The following ANKRD28 variants were observed in gnomAD, a reference collection of about 807,000 sequenced individuals.
ANKRD28 encodes the protein ankyrin repeat domain 28, also known as serine/threonine-protein phosphatase 6 regulatory ankyrin repeat subunit A.
Under a neutral mutation model 126.5 loss-of-function variants are expected in ANKRD28, and 44 were observed. That is an observed-to-expected ratio of 0.35 (90% CI 0.27 to 0.45). The LOEUF is 0.45. ANKRD28 is among the 20% of genes least tolerant of loss of function. ANKRD28 has a pLI of 1.00. For missense variants in ANKRD28, 1,110 were observed against 1,316.6 expected (o/e 0.84, Z 2.43); for synonymous variants, 442 against 468.5 (o/e 0.94, Z 0.73).
chr3:15,709,992 C>T (rs1259144996), intron 12 of ANKRD28, among the ~76,000 whole-genome samples: 1 of 150,786 alleles, frequency 6.6e-6, no homozygotes, highest in Non-Finnish European at 1.5e-5. Flanking sequence ...ATCACATTTG[C>T]AAAAGAGATT....
At chr3:15,819,048 TGGGA>T (rs2060889311) in intron 1 of ANKRD28, among the ~76,000 whole-genome samples, 1 of 152,036 alleles carries the variant, frequency 6.6e-6, no homozygotes, top group African/African-American at 2.4e-5. Context: ...GAGGACAAGG[TGGGA>T]GGACTGCTTG....
chr3:15,710,414 GT>G (rs1372497046), intron 12 of ANKRD28, among the ~76,000 whole-genome samples: 20 of 152,166 alleles, frequency 1.3e-4, no homozygotes. Flanking sequence ...TTACGTGGAA[GT>G]TAGGTTTTAA....
Position 15,670,555 on chromosome 3 carries a change from G to A in ANKRD28, c.2967C>T (p.Gly989=). 6.2e-7 allele frequency: 1 copy of A among 1,606,984 alleles called. No homozygotes were observed. Among genetic ancestry groups the A allele is most frequent in the East Asian group, 2.2e-5 (1 of 44,744 alleles). ...GAGCACAGGCCAAAGCTGGGGTATA[G>A]CCTAGAATTAAAGATAAAATTTAAA... ...GASVLAVDEN[G]YTPALACAPN... Residue 989 remains glycine, a splice_region_variant and synonymous_variant, in exon 28 of 28, where the codon GGC becomes GGT. Transcript: ENST00000683139.
intron 3 of ANKRD28, among the ~76,000 whole-genome samples, chr3:15,756,739 A>G (rs9821921): frequency 0.72 from 109,951 of 151,930 alleles, 40,001 homozygotes; most frequent in East Asian, 0.93. Flanking sequence ...ATGTATGGAC[A>G]GGATTGGGTG....
intron 6 of ANKRD28, among the ~76,000 whole-genome samples, chr3:15,730,816 C>T (rs996501993): frequency 2.6e-5 from 4 of 152,236 alleles, no homozygotes; most frequent in African/African-American, 7.2e-5. Flanking sequence ...ATGTGTCCTC[C>T]GAAGTTCATA....
chr3:15,751,146 G>A (rs767553602), intron 4 of ANKRD28, among the ~76,000 whole-genome samples: 2 of 152,002 alleles, frequency 1.3e-5, no homozygotes, highest in Non-Finnish European at 2.9e-5. Context: ...CTACAAAGAT[G>A]TCCTCAGGAC....
At chr3:15,732,280 A>C (rs1475413135) in intron 6 of ANKRD28, 1 of 152,236 alleles carries the variant, frequency 6.6e-6, no homozygotes, top group African/African-American at 2.4e-5. Flanking sequence ...CAGGGAATTA[A>C]ATTAAATTCA....
At chr3:15,741,226 G>GT (rs745550581) in intron 4 of ANKRD28, among the ~76,000 whole-genome samples, 1 of 151,680 alleles carries the variant, frequency 6.6e-6, no homozygotes, top group Non-Finnish European at 1.5e-5. Flanking sequence ...AACAAAAAAC[G>GT]TGTCAGATCA....
chr3:15,689,361 T>G (rs1027239483), intron 18 of ANKRD28, among the ~76,000 whole-genome samples: 8 of 152,154 alleles, frequency 5.3e-5, no homozygotes, highest in Non-Finnish European at 8.8e-5. Context: ...GAGTAACCAG[T>G]AGGTGTGACA....
intron 1 of ANKRD28, chr3:15,859,322 C>A: frequency 6.6e-7 from 1 of 1,515,024 alleles, no homozygotes. Flanking sequence ...GCCGGTCCGC[C>A]CTGCTTCCCT....
chr3:15,752,781 C>T (rs188965888), intron 3 of ANKRD28, among the ~76,000 whole-genome samples: 83 of 152,260 alleles, frequency 5.5e-4, no homozygotes, highest in African/African-American at 1.8e-3. Flanking sequence ...TACTTCCTAA[C>T]GCTTACATTA....
intron 1 of ANKRD28, among the ~76,000 whole-genome samples, chr3:15,850,255 A>AGAGAGAGAGG (rs2061622761): frequency 7.0e-6 from 1 of 142,040 alleles, no homozygotes; most frequent in East Asian, 2.1e-4. Flanking sequence ...AGAGAGAGAG[A>AGAGAGAGAGG]GAGAGAGAAA....
rs149089952 is a variant in ANKRD28 at position 15,793,163 on chromosome 3, A to C, written c.201+2060T>G. Among the ~76,000 whole-genome samples, 10 of 152,312 alleles carry C rather than the reference A, an allele frequency of 6.6e-5. No individual in the cohort carries two copies. The East Asian group carries it at 1.9e-3, about 29-fold the overall frequency. ...ACTGTCACACTGACATAAAGCTTAA[A>C]AATATTTTATTACCTATTAAAAGTC... is the stretch of plus-strand genomic sequence containing the variant. On this transcript the variant is annotated intron_variant, in intron 2 of 27. Transcript: ENST00000683139.
intron 8 of ANKRD28, among the ~76,000 whole-genome samples, chr3:15,717,812 G>A (rs1197049242): frequency 6.6e-6 from 1 of 152,140 alleles, no homozygotes; most frequent in Non-Finnish European, 1.5e-5. Flanking sequence ...TTATAAACCT[G>A]ATTCATTTTA....
chr3:15,769,621 C>T (rs1369469626), intron 2 of ANKRD28, among the ~76,000 whole-genome samples: 3 of 152,266 alleles, frequency 2.0e-5, no homozygotes, highest in Middle Eastern at 3.4e-3. Flanking sequence ...CCAATATCCT[C>T]GGCTTCCTGA....
In ANKRD28 at chr3:15,836,205, G is replaced by A. The variant is rs961395739; in HGVS notation, c.27+23172C>T. ...CTTTAAAAGATAAACTCTATACAAA[G>A]CAATAATTAAAACATTACTGTTGGG... On this transcript the variant is annotated intron_variant, in intron 1 of 27. Coordinates refer to the ANKRD28 transcript ENST00000399451. 3.3e-5 allele frequency among the ~76,000 whole-genome samples: 5 copies of A among 151,848 alleles called. No individual in the cohort carries two copies. In the South Asian group the frequency reaches 1.0e-3, roughly 32 times the overall value.
rs185768254 is a variant in ANKRD28 at position 15,789,162 on chromosome 3, G to A, written c.201+6061C>T. Among the ~76,000 whole-genome samples the A allele has an allele frequency of 1.3e-4, 20 of 152,040 alleles. No individual in the cohort carries two copies. In the East Asian group the frequency reaches 3.3e-3, roughly 25 times the overall value. On this transcript the variant is annotated intron_variant, in intron 2 of 27. Transcript: ENST00000683139. ...AACAGTTTTTAGGCAACTAATAACC[G>A]TCCAGTTAGGTTCCTATCCAAACAA...
intron 11 of ANKRD28, 31 bp from the exon 12 acceptor site, chr3:15,711,305 A>G (rs1374865266): frequency 6.5e-7 from 1 of 1,548,846 alleles, no homozygotes; most frequent in Non-Finnish European, 8.9e-7. Context: ...TATTTATAAC[A>G]GACATATTAT....
intron 1 of ANKRD28, among the ~76,000 whole-genome samples, chr3:15,835,251 A>C (rs889273820): frequency 6.6e-6 from 1 of 152,232 alleles, no homozygotes; most frequent in East Asian, 1.9e-4. Context: ...CCATATACAC[A>C]AACAGTAAGC....
Sources: gnomAD v4.1 joint callset for allele counts (sites outside exome capture counted in the v4.1 genomes callset) on GRCh38, gnomAD v4.1.1 for gene constraint, MANE v1.5 for transcripts, NCBI Gene and HGNC (gene_info 2026-07-23, HGNC 2026-07-21) for gene names.